Variants in ADAMTS18 observed in about 807,000 individuals in gnomAD.
ADAMTS18 encodes the protein A disintegrin and metalloproteinase with thrombospondin motifs 18.
A neutral mutation model predicts 165.9 loss-of-function variants in ADAMTS18; 157 were observed. The ratio of observed to expected loss-of-function variants is 0.95; its 90% CI spans 0.83 to 1.08. The LOEUF (loss-of-function observed/expected upper bound fraction) is 1.08, where lower values mean the gene tolerates loss of function less well. ADAMTS18 is among the 50% of genes least tolerant of loss of function. The pLI, the probability that ADAMTS18 is intolerant of heterozygous loss-of-function variation, is 0.00. For synonymous variants in ADAMTS18, 782 were observed against 578.2 expected (o/e 1.35, Z -5.06); for missense variants, 2,040 against 1,534.0 (o/e 1.33, Z -5.51).
chr16:77,401,360 T>C (rs146323707), intron 3 of ADAMTS18, among the ~76,000 whole-genome samples: 3 of 152,380 alleles, frequency 2.0e-5, no homozygotes, highest in African/African-American at 4.8e-5. Context: ...TACTGTGTAC[T>C]AGATGCCATT....
intron 3 of ADAMTS18, among the ~76,000 whole-genome samples, chr16:77,420,467 G>C (rs564691876): frequency 1.3e-5 from 2 of 152,158 alleles, no homozygotes; most frequent in Non-Finnish European, 2.9e-5. Context: ...TCTGGGGTGA[G>C]ACCTGAGCAT....
At position 77,434,991 on chromosome 16, in the gene ADAMTS18, C is replaced by T. The variant is rs1252010151; in HGVS notation, c.-296G>A. On this transcript the variant is annotated 5_prime_UTR_variant, in exon 1 of 23. Coordinates refer to ENST00000282849, the MANE Select transcript of ADAMTS18 (RefSeq NM_199355.4). The stretch of plus-strand genomic sequence containing the variant: ...CAAACGGTTGGGAGACTGTCGGTGT[C>T]TGCCCGCCCGTCTGTGCGTCTGTCT... 1.1e-5 allele frequency: 3 copies of T among 272,420 alleles called. No individual in the cohort carries two copies. Among genetic ancestry groups the T allele is most frequent in the Non-Finnish European group, 2.1e-5 (3 of 146,290 alleles). The allele number at this position is 272,420 out of a possible 1,614,324, so 16.9% of individuals were successfully genotyped here. A position where few individuals can be genotyped will look rare whatever the true frequency, so the allele number is the denominator to read the frequency against.
intron 3 of ADAMTS18, among the ~76,000 whole-genome samples, chr16:77,407,142 G>C (rs1239114878): frequency 2.6e-5 from 4 of 152,020 alleles, no homozygotes; most frequent in Admixed American, 2.0e-4. Flanking sequence ...CAATTGATAA[G>C]TGAGAGTGTT....
chr16:77,370,321 T>C (rs1343686921), intron 3 of ADAMTS18, among the ~76,000 whole-genome samples: 1 of 152,192 alleles, frequency 6.6e-6, no homozygotes, highest in Admixed American at 6.5e-5. Flanking sequence ...AACATGATCT[T>C]ATAAAGAGAA....
intron 21 of ADAMTS18, among the ~76,000 whole-genome samples, chr16:77,290,327 A>G (rs1157537639): frequency 1.3e-5 from 2 of 152,344 alleles, no homozygotes; most frequent in African/African-American, 2.4e-5. Flanking sequence ...ACATGGCTAC[A>G]TTCCAGTTAA....
intron 16 of ADAMTS18, among the ~76,000 whole-genome samples, chr16:77,307,868 G>T (rs929631192): frequency 6.6e-6 from 1 of 152,120 alleles, no homozygotes; most frequent in East Asian, 1.9e-4. Context: ...GGAGCTGGAT[G>T]ACAAGGTAAT....
intron 20 of ADAMTS18, among the ~76,000 whole-genome samples, chr16:77,291,821 A>G (rs1463556035): frequency 2.0e-5 from 3 of 152,192 alleles, no homozygotes; most frequent in Non-Finnish European, 2.9e-5. Flanking sequence ...AGGGTTACAC[A>G]CTTACAGGTC....
At chr16:77,354,339 G>A (rs1384542633) in intron 9 of ADAMTS18, among the ~76,000 whole-genome samples, 1 of 151,962 alleles carries the variant, frequency 6.6e-6, no homozygotes, top group African/African-American at 2.4e-5. Context: ...ACAGATAATG[G>A]AGCAGAGGTC....
chr16:77,365,160 CAG>C (rs1236854971), intron 4 of ADAMTS18, among the ~76,000 whole-genome samples: 1 of 130,946 alleles, frequency 7.6e-6, no homozygotes, highest in African/African-American at 3.0e-5. Context: ...CTCTGGGTGA[CAG>C]AGTGAGATTT....
intron 10 of ADAMTS18, among the ~76,000 whole-genome samples, chr16:77,350,508 T>C (rs889813667): frequency 6.6e-6 from 1 of 152,192 alleles, no homozygotes; most frequent in African/African-American, 2.4e-5. Flanking sequence ...TATTGTAATC[T>C]TCACCTTTCA....
chr16:77,344,206 C>A (rs1233439579), intron 10 of ADAMTS18, among the ~76,000 whole-genome samples: 1 of 146,450 alleles, frequency 6.8e-6, no homozygotes, highest in Non-Finnish European at 1.5e-5. Context: ...TCTTGTAGAC[C>A]ATAAAATTCT....
chr16:77,333,499 A>T (rs536279946), intron 12 of ADAMTS18, among the ~76,000 whole-genome samples: 23 of 151,608 alleles, frequency 1.5e-4, no homozygotes, highest in South Asian at 4.2e-4. Flanking sequence ...TACCAAAAAA[A>T]AAAAAATAAA....
At chr16:77,384,088 T>C (rs934004362) in intron 3 of ADAMTS18, among the ~76,000 whole-genome samples, 2 of 152,126 alleles carry the variant, frequency 1.3e-5, no homozygotes, top group Admixed American at 1.3e-4. Context: ...TCTGCCGACT[T>C]CCCTATGTCC....
At chr16:77,348,513 C>T (rs1428269126) in intron 10 of ADAMTS18, among the ~76,000 whole-genome samples, 2 of 152,182 alleles carry the variant, frequency 1.3e-5, no homozygotes, top group Non-Finnish European at 2.9e-5. Context: ...TGTGGCATGC[C>T]TGCTCAGATA....
At chr16:77,321,669 G>C (rs747019070) in intron 14 of ADAMTS18, among the ~76,000 whole-genome samples, 25 of 152,140 alleles carry the variant, frequency 1.6e-4, no homozygotes, top group Non-Finnish European at 3.4e-4. Context: ...ACATTTGTGA[G>C]ATTCTAATCA....
chr16:77,399,598 A>C (rs1359900110), intron 3 of ADAMTS18, among the ~76,000 whole-genome samples: 1 of 152,080 alleles, frequency 6.6e-6, no homozygotes, highest in African/African-American at 2.4e-5. Flanking sequence ...AATCACCCTG[A>C]CCTTTTGCTG....
At position 77,319,934 on chromosome 16, in the gene ADAMTS18, C is replaced by G; in HGVS notation, c.2447G>C (p.Gly816Ala). The change falls in exon 16 of 23, where the codon GGG becomes GCG. Residue 816 changes from glycine to alanine, a missense_variant. Coordinates refer to ENST00000282849, the MANE Select transcript of ADAMTS18 (RefSeq NM_199355.4). ...AGAGCGCTGGTATTCAAACGTGGTC[C>G]CAGCGAAGGGGAACTCCCCAGGCCA... The part of the protein sequence containing the change: ...IDWPGEFPFA[G>A]TTFEYQRSFN... 6.2e-7 allele frequency: 1 copy of G among 1,614,194 alleles called. No homozygotes were observed. Among genetic ancestry groups the G allele is most frequent in the Non-Finnish European group, 8.5e-7 (1 of 1,180,030 alleles).
chr16:77,363,720 G>T, intron 6 of ADAMTS18, 82 bp downstream of exon 6: 1 of 1,287,958 alleles, frequency 7.8e-7, no homozygotes, highest in Non-Finnish European at 1.1e-6. Flanking sequence ...CTAGTACATG[G>T]ATTAGTGAAC....
intron 20 of ADAMTS18, 49 bp from the exon 21 acceptor site, chr16:77,291,527 T>C: frequency 6.3e-7 from 1 of 1,577,780 alleles, no homozygotes; most frequent in Non-Finnish European, 8.7e-7. Context: ...CAGGATCACA[T>C]CTTCTGGACA....
Sources: gnomAD v4.1 joint callset for allele counts (sites outside exome capture counted in the v4.1 genomes callset) on GRCh38, gnomAD v4.1.1 for gene constraint, MANE v1.5 for transcripts, NCBI Gene and HGNC (gene_info 2026-07-23, HGNC 2026-07-21) for gene names.